The following BPGM variants were observed in gnomAD, a reference collection of about 807,000 sequenced individuals.
BPGM encodes bisphosphoglycerate mutase.
BPGM carries 15 observed loss-of-function variants against 21.6 expected under a neutral mutation model. The observed-to-expected ratio is 0.70, with a 90% CI of 0.47 to 1.07. BPGM has a LOEUF of 1.07. Among genes scored for constraint, BPGM ranks in the 50% least tolerant of loss-of-function variants. The pLI is 0.00. For missense variants in BPGM, 273 were observed against 319.0 expected (o/e 0.86, Z 1.10); for synonymous variants, 113 against 116.2 (o/e 0.97, Z 0.18).
chr7:134,656,570 C>T (rs1362834026), intron 1 of BPGM, among the ~76,000 whole-genome samples: 1 of 152,174 alleles, frequency 6.6e-6, no homozygotes, highest in Non-Finnish European at 1.5e-5. Context: ...TGTCCTTCTT[C>T]ACATGGTGGC....
At position 134,661,864 on chromosome 7, in the gene BPGM, C is replaced by G; in HGVS notation, c.357C>G (p.Tyr119Ter). The G allele has an allele frequency of 6.2e-7, 1 of 1,607,094 alleles. No individual in the cohort carries two copies. Among genetic ancestry groups the G allele is most frequent in the African/African-American group, 1.3e-5 (1 of 74,710 alleles). Residue 119 changes from tyrosine (Y) to a stop codon, truncating the protein, a stop_gained, in exon 2 of 3, where the codon TAC becomes TAG. Coordinates refer to ENST00000344924, the MANE Select transcript of BPGM (RefSeq NM_001724.5). LOFTEE classifies it high-confidence loss of function. This position sits in a 1 kb window ranked among gnomAD's most constrained non-coding sequence, Gnocchi z 4.6. ...AAGTGAGGCTCTGGAGAAGAAGCTACAATGTAACCCCGCCTCCCATTGAGG... is the reference window on the plus strand; with the variant it reads ...AAGTGAGGCTCTGGAGAAGAAGCTAGAATGTAACCCCGCCTCCCATTGAGG... Reference protein sequence around the residue: ...EEQVRLWRRSYNVTPPPIEES... With the variant: ...EEQVRLWRRS
chr7:134,651,584 T>A (rs1229425322), intron 1 of BPGM, among the ~76,000 whole-genome samples: 1 of 152,194 alleles, frequency 6.6e-6, no homozygotes, highest in Non-Finnish European at 1.5e-5. Context: ...TTGTTGAAAG[T>A]ACTTAGGGAT....
In BPGM at chr7:134,678,943, C is replaced by G; in HGVS notation, c.692C>G (p.Pro231Arg). ...GATGAAAACCTGCGTGCTGTTGGGCCTCATCAGTTCCTGGGTGACCAAGAG... is the reference window on the plus strand; with the variant it reads ...GATGAAAACCTGCGTGCTGTTGGGCGTCATCAGTTCCTGGGTGACCAAGAG... Reference protein sequence around the residue: ...ELDENLRAVGPHQFLGDQEAI... With the variant: ...ELDENLRAVGRHQFLGDQEAI... The change falls in exon 3 of 3, where the codon CCT (proline) becomes CGT (arginine). Residue 231 changes from proline to arginine, a missense_variant. Transcript: ENST00000344924. The G allele has an allele frequency of 1.2e-6, 2 of 1,614,080 alleles. No individual in the cohort carries two copies. Among genetic ancestry groups the G allele is most frequent in the Non-Finnish European group, 1.7e-6 (2 of 1,179,952 alleles).
intron 2 of BPGM, among the ~76,000 whole-genome samples, chr7:134,669,384 GT>G (rs897614980): frequency 4.6e-5 from 7 of 151,972 alleles, no homozygotes; most frequent in Non-Finnish European, 8.8e-5. Context: ...TCTAATAAAG[GT>G]TTTTTTTATT....
intron 2 of BPGM, among the ~76,000 whole-genome samples, chr7:134,666,530 T>C (rs1795824110): frequency 6.6e-6 from 1 of 152,218 alleles, no homozygotes. Context: ...GGATCCGGAT[T>C]TGTCCACAGG....
At chr7:134,669,713 T>C (rs1034355013) in intron 2 of BPGM, among the ~76,000 whole-genome samples, 2 of 152,218 alleles carry the variant, frequency 1.3e-5, no homozygotes, top group African/African-American at 4.8e-5. Flanking sequence ...TCATAAATCA[T>C]ATATGCTTTT....
intron 2 of BPGM, 73 bp from the exon 3 acceptor site, chr7:134,678,780 A>C: frequency 1.5e-6 from 2 of 1,369,868 alleles, no homozygotes; most frequent in Non-Finnish European, 2.1e-6. Context: ...ATTAAAGTGC[A>C]GTTATATAAT....
chr7:134,678,761 T>G, intron 2 of BPGM, 92 bp from the exon 3 acceptor site: 1 of 1,258,382 alleles, frequency 7.9e-7, no homozygotes, highest in Non-Finnish European at 1.2e-6. Context: ...AGGCACACAG[T>G]TAAATGGGAT....
intron 1 of BPGM, among the ~76,000 whole-genome samples, chr7:134,648,712 C>CCCAG (rs1795509309): frequency 6.6e-6 from 1 of 150,724 alleles, no homozygotes; most frequent in African/African-American, 2.4e-5. Context: ...CAGGGTCTCG[C>CCCAG]TCTGTTGCCC....
At chr7:134,677,640 A>G (rs974262664) in intron 2 of BPGM, among the ~76,000 whole-genome samples, 1 of 152,232 alleles carries the variant, frequency 6.6e-6, no homozygotes, top group South Asian at 2.1e-4. Context: ...ACTCTCAAGT[A>G]AAGACAAACC....
chr7:134,667,075 T>C (rs1285724870), intron 2 of BPGM, among the ~76,000 whole-genome samples: 1 of 152,208 alleles, frequency 6.6e-6, no homozygotes, highest in Non-Finnish European at 1.5e-5. Context: ...TGTGTGCTTC[T>C]TGGTAACTTA....
At chr7:134,672,896 CG>C (rs1795926923) in intron 2 of BPGM, among the ~76,000 whole-genome samples, 1 of 151,968 alleles carries the variant, frequency 6.6e-6, no homozygotes, top group Admixed American at 6.6e-5. Context: ...TTTAGTTGGC[CG>C]GGCGCGGTGG....
intron 2 of BPGM, among the ~76,000 whole-genome samples, chr7:134,666,633 TC>T (rs1341425427): frequency 1.3e-5 from 2 of 152,212 alleles, no homozygotes; most frequent in Non-Finnish European, 2.9e-5. Flanking sequence ...CTGGTGGTAC[TC>T]CAATTAACAC....
At chr7:134,656,915 A>G (rs1795647527) in intron 1 of BPGM, among the ~76,000 whole-genome samples, 2 of 152,252 alleles carry the variant, frequency 1.3e-5, no homozygotes, top group African/African-American at 4.8e-5. Flanking sequence ...CTCTCTGCCT[A>G]TGAGCCTAGA....
At chr7:134,668,241 T>A (rs527589458) in intron 2 of BPGM, among the ~76,000 whole-genome samples, 1 of 152,266 alleles carries the variant, frequency 6.6e-6, no homozygotes, top group East Asian at 1.9e-4. Context: ...TCCTTGGCCG[T>A]GATCATGGTA....
intron 2 of BPGM, 139 bp from the exon 3 acceptor site, chr7:134,678,714 G>T: frequency 1.1e-6 from 1 of 896,476 alleles, no homozygotes. Context: ...TGGCTTCCAG[G>T]AATTATAGCT....
intron 2 of BPGM, among the ~76,000 whole-genome samples, chr7:134,663,591 A>AT (rs1484756677): frequency 5.3e-5 from 8 of 152,198 alleles, no homozygotes; most frequent in Non-Finnish European, 1.0e-4. Flanking sequence ...GAAATTCAGA[A>AT]TTTCAGAGTT....
chr7:134,673,327 G>A (rs1228664707), intron 2 of BPGM, among the ~76,000 whole-genome samples: 1 of 152,092 alleles, frequency 6.6e-6, no homozygotes, highest in African/African-American at 2.4e-5. Context: ...GTGGAATGTT[G>A]ATTTTATTTA....
chr7:134,662,035 A>G lies in BPGM; in HGVS notation c.528A>G (p.Glu176=). The change falls in exon 2 of 3, where the codon GAA becomes GAG. Residue 176 remains glutamate (E), a synonymous_variant. Coordinates refer to ENST00000344924, the MANE Select transcript of BPGM (RefSeq NM_001724.5). ...LPYWNERIAP[E]VLRGKTILIS... ...ATTGGAATGAAAGGATTGCTCCCGA[A>G]GTATTACGTGGCAAAACCATTCTGA... The G allele has an allele frequency of 1.9e-6, 3 of 1,614,200 alleles. No homozygotes were observed. The highest frequency in any genetic ancestry group is 1.7e-4 in the Middle Eastern group (1 of 6,060).
Sources: gnomAD v4.1 joint callset for allele counts (sites outside exome capture counted in the v4.1 genomes callset) on GRCh38, gnomAD v4.1.1 for gene constraint, Gnocchi (gnomAD v3.1) non-coding constraint, MANE v1.5 for transcripts, NCBI Gene and HGNC (gene_info 2026-07-23, HGNC 2026-07-21) for gene names.